HEMK2: variants seen among roughly 807,000 people sequenced by gnomAD.
The protein encoded by HEMK2 is methyltransferase HEMK2.
At chr21:28,733,488 A>G in the HEMK2 span, among the ~76,000 whole-genome samples, 1 of 152,164 alleles carries the variant, frequency 6.6e-6, no homozygotes, top group African/African-American at 2.4e-5. Flanking sequence ...CCTGGGACAT[A>G]CACGCAGGTC....
the HEMK2 span, among the ~76,000 whole-genome samples, chr21:28,841,044 TAA>T: frequency 2.6e-5 from 2 of 77,576 alleles, no homozygotes; most frequent in African/African-American, 1.3e-4. Context: ...ATATTATATA[TAA>T]ATAAATATTA....
the HEMK2 span, among the ~76,000 whole-genome samples, chr21:28,712,537 G>T: frequency 3.3e-5 from 5 of 152,196 alleles, no homozygotes; most frequent in East Asian, 9.6e-4. Context: ...AGGCTTTGAA[G>T]AATTAGTAGG....
At chr21:28,792,437 C>G in the HEMK2 span, among the ~76,000 whole-genome samples, 4 of 152,156 alleles carry the variant, frequency 2.6e-5, no homozygotes, top group African/African-American at 9.7e-5. Context: ...AACAAAATCT[C>G]TTAAGCCCCC....
the HEMK2 span, among the ~76,000 whole-genome samples, chr21:28,843,192 T>C: frequency 1.8e-4 from 27 of 152,268 alleles, no homozygotes; most frequent in East Asian, 4.6e-3. Context: ...CCTGTATTAG[T>C]CCATTTTCAC....
chr21:28,778,331 T>C, the HEMK2 span, among the ~76,000 whole-genome samples: 4 of 152,342 alleles, frequency 2.6e-5, no homozygotes, highest in Admixed American at 2.6e-4. Context: ...TATTCCATGG[T>C]ATGGATGTGT....
chr21:28,735,003 T>C, the HEMK2 span, among the ~76,000 whole-genome samples: 2 of 152,134 alleles, frequency 1.3e-5, no homozygotes, highest in East Asian at 1.9e-4. Flanking sequence ...TGGCCCTGCT[T>C]CTGGAAGTTG....
the HEMK2 span, among the ~76,000 whole-genome samples, chr21:28,606,588 T>C: frequency 1.3e-5 from 2 of 152,302 alleles, no homozygotes; most frequent in South Asian, 4.1e-4. Flanking sequence ...AAGACAAAGC[T>C]GATGATGTCC....
chr21:28,780,312 T>C, the HEMK2 span, among the ~76,000 whole-genome samples: 1 of 152,086 alleles, frequency 6.6e-6, no homozygotes, highest in Non-Finnish European at 1.5e-5. Flanking sequence ...CAAGTAGCTG[T>C]GACTACAGGC....
the HEMK2 span, among the ~76,000 whole-genome samples, chr21:28,675,842 C>T: frequency 6.6e-6 from 1 of 152,162 alleles, no homozygotes; most frequent in Non-Finnish European, 1.5e-5. Context: ...TAAAAGTAAT[C>T]CAGAATGTTG....
At chr21:28,734,704 G>C in the HEMK2 span, among the ~76,000 whole-genome samples, 1 of 152,148 alleles carries the variant, frequency 6.6e-6, no homozygotes, top group African/African-American at 2.4e-5. Context: ...GTCTCATCAT[G>C]AGTCAACAAA....
chr21:28,851,604 G>C, the HEMK2 span, among the ~76,000 whole-genome samples: 1 of 152,198 alleles, frequency 6.6e-6, no homozygotes, highest in East Asian at 1.9e-4. Context: ...GAGGTAGAAA[G>C]TCCCTAAATT....
the HEMK2 span, among the ~76,000 whole-genome samples, chr21:28,771,287 C>T: frequency 2.0e-5 from 3 of 152,226 alleles, no homozygotes; most frequent in South Asian, 2.1e-4. Context: ...TCTGGAGTTA[C>T]GATTCAGGGA....
chr21:28,878,449 G>A, the HEMK2 span: 2 of 1,131,498 alleles, frequency 1.8e-6, no homozygotes, highest in African/African-American at 3.1e-5. Flanking sequence ...TTTTACTGCT[G>A]ACGAAGGAGC....
the HEMK2 span, among the ~76,000 whole-genome samples, chr21:28,646,926 G>A: frequency 6.6e-6 from 1 of 152,152 alleles, no homozygotes; most frequent in Non-Finnish European, 1.5e-5. Context: ...TAAGCATGTT[G>A]CTTGGGCCAA....
At chr21:28,833,403 A>G in the HEMK2 span, among the ~76,000 whole-genome samples, 2 of 152,244 alleles carry the variant, frequency 1.3e-5, no homozygotes, top group Middle Eastern at 3.2e-3. Context: ...TAATAATTTT[A>G]CAGCAGAGAC....
the HEMK2 span, among the ~76,000 whole-genome samples, chr21:28,847,807 G>A: frequency 5.9e-5 from 9 of 152,272 alleles, no homozygotes; most frequent in African/African-American, 1.9e-4. Context: ...TATGGTAAAA[G>A]GTAGGAGTCC....
At chr21:28,787,062 A>G in the HEMK2 span, among the ~76,000 whole-genome samples, 1 of 152,336 alleles carries the variant, frequency 6.6e-6, no homozygotes, top group Middle Eastern at 3.4e-3. Context: ...AAATCGAAAT[A>G]CTTACAGCCA....
At chr21:28,751,189 C>T in the HEMK2 span, among the ~76,000 whole-genome samples, 92 of 149,052 alleles carry the variant, frequency 6.2e-4, no homozygotes, top group African/African-American at 2.3e-3. Flanking sequence ...CGAGATCACG[C>T]CACTGCACTC....
At chr21:28,804,026 G>C in the HEMK2 span, among the ~76,000 whole-genome samples, 5 of 152,126 alleles carry the variant, frequency 3.3e-5, no homozygotes, top group Non-Finnish European at 5.9e-5. Flanking sequence ...TATTCCTCAG[G>C]AAATTCATAC....
Sources: gnomAD v4.1 joint callset for allele counts (sites outside exome capture counted in the v4.1 genomes callset) on GRCh38, gnomAD v4.1.1 for gene constraint, MANE v1.5 for transcripts, NCBI Gene and HGNC (gene_info 2026-07-23, HGNC 2026-07-21) for gene names.